Variants in SYT1 observed in about 807,000 individuals in gnomAD.
The protein encoded by SYT1 is synaptotagmin 1.
SYT1 carries 8 observed loss-of-function variants against 44.8 expected under a neutral mutation model. That is an observed-to-expected ratio of 0.18 (90% CI 0.10 to 0.32). The LOEUF is 0.32. Ranked by LOEUF, SYT1 falls within the 10% of genes least tolerant of loss-of-function variation. The pLI, the probability that SYT1 is intolerant of heterozygous loss-of-function variation, is 1.00. For missense variants in SYT1, 286 were observed against 509.3 expected, an observed-to-expected ratio of 0.56 and a Z score of 4.22; for synonymous variants, 154 against 188.8, an observed-to-expected ratio of 0.82 and a Z score of 1.51.
intron 1 of SYT1, among the ~76,000 whole-genome samples, chr12:78,918,754 T>A (rs1876812775): frequency 6.6e-6 from 1 of 152,028 alleles, no homozygotes. Flanking sequence ...AGAAAAAGGA[T>A]ACGTCCTGAA....
intron 3 of SYT1, among the ~76,000 whole-genome samples, chr12:79,179,335 T>TATAG (rs2138396685): frequency 1.2e-5 from 1 of 85,510 alleles, no homozygotes; most frequent in South Asian, 3.2e-4. Flanking sequence ...TAGATATAGA[T>TATAG]ATATCGATAT....
At chr12:78,934,117 CAT>C (rs1213134149) in intron 1 of SYT1, among the ~76,000 whole-genome samples, 5 of 151,366 alleles carry the variant, frequency 3.3e-5, no homozygotes, top group African/African-American at 9.7e-5. Context: ...TGTGTATATA[CAT>C]ATGTGTGTGT....
chr12:78,898,853 G>A (rs943007098), intron 1 of SYT1, among the ~76,000 whole-genome samples: 1 of 152,078 alleles, frequency 6.6e-6, no homozygotes, highest in African/African-American at 2.4e-5. Flanking sequence ...TAACATGCGT[G>A]CATTTGAAAT....
intron 3 of SYT1, among the ~76,000 whole-genome samples, chr12:79,120,819 A>G (rs1330894023): frequency 1.3e-5 from 2 of 152,058 alleles, no homozygotes; most frequent in African/African-American, 2.4e-5. Flanking sequence ...CTGAAAATCC[A>G]ATGCATGTAG....
At chr12:78,932,061 A>C (rs548860643) in intron 1 of SYT1, among the ~76,000 whole-genome samples, 2 of 152,346 alleles carry the variant, frequency 1.3e-5, no homozygotes, top group African/African-American at 4.8e-5. Context: ...CTCTGCCACA[A>C]GGTGTGTTTC....
At chr12:79,404,292 CTCT>C (rs1446458091) in intron 9 of SYT1, among the ~76,000 whole-genome samples, 2 of 152,128 alleles carry the variant, frequency 1.3e-5, no homozygotes, top group Non-Finnish European at 2.9e-5. Context: ...TCATTCTACC[CTCT>C]TCTTAAAAAT....
chr12:79,195,815 C>T (rs1472441695), intron 3 of SYT1, among the ~76,000 whole-genome samples: 1 of 152,134 alleles, frequency 6.6e-6, no homozygotes, highest in Non-Finnish European at 1.5e-5. Flanking sequence ...AAATTACCTG[C>T]TTTTCCTGTT....
intron 3 of SYT1, among the ~76,000 whole-genome samples, chr12:79,115,559 A>G (rs1238420551): frequency 6.6e-6 from 1 of 152,166 alleles, no homozygotes; most frequent in Non-Finnish European, 1.5e-5. Flanking sequence ...ACCTAGACAA[A>G]TTTTTAACCC....
At position 79,334,254 on chromosome 12, in the gene SYT1, T is replaced by TA. The variant is rs201737923; in HGVS notation, c.811-19237dup. On this transcript the variant is annotated intron_variant, in intron 8 of 10. Transcript: ENST00000261205. ...CTCTGTCCTATGCCTTTCCCACAGTTAAAAAAAAAAATCTCTCTTGTCTGT... is the reference window on the plus strand; with the variant it reads ...CTCTGTCCTATGCCTTTCCCACAGTTAAAAAAAAAAAATCTCTCTTGTCTGT... Among the ~76,000 whole-genome samples, 414 of 147,840 alleles carry TA rather than the reference T, an allele frequency of 2.8e-3. 2 individuals carry two copies. The highest frequency in any genetic ancestry group is 7.1e-3 in the African/African-American group (290 of 40,570).
chr12:79,250,510 A>G (rs1011316060), intron 4 of SYT1, among the ~76,000 whole-genome samples: 2 of 152,216 alleles, frequency 1.3e-5, no homozygotes, highest in Non-Finnish European at 2.9e-5. Flanking sequence ...ACTTTGGTAT[A>G]TCTCTGCAGT....
rs74925492 is a variant in SYT1 at position 79,035,279 on chromosome 12, C to G, written c.-83-12018C>G. 9.2e-4 allele frequency among the ~76,000 whole-genome samples: 139 copies of G among 151,782 alleles called. 1 individual carries two copies. The highest frequency in any genetic ancestry group is 3.2e-3 in the African/African-American group (132 of 41,464). ...CTTAGGCGTGTATAGAGAATTGCTA[C>G]CCCATTCTCTCTACCTCACTTCCCC... On this transcript the variant is annotated intron_variant, in intron 2 of 10. Coordinates refer to ENST00000261205, the MANE Select transcript of SYT1 (RefSeq NM_005639.3).
intron 9 of SYT1, among the ~76,000 whole-genome samples, chr12:79,395,634 G>A (rs915216901): frequency 1.3e-5 from 2 of 152,158 alleles, no homozygotes; most frequent in African/African-American, 4.8e-5. Context: ...CAAATCTCCT[G>A]CCTTGGCCTC....
chr12:78,937,550 T>C (rs997285882), intron 1 of SYT1, among the ~76,000 whole-genome samples: 2 of 152,108 alleles, frequency 1.3e-5, no homozygotes. Flanking sequence ...GGTTGTTATA[T>C]TACAAAGATA....
At chr12:78,899,848 T>C (rs924974000) in intron 1 of SYT1, among the ~76,000 whole-genome samples, 16 of 152,092 alleles carry the variant, frequency 1.1e-4, no homozygotes, top group Admixed American at 1.0e-3. Flanking sequence ...GATTATTTTA[T>C]AGGTAACACA....
chr12:79,349,031 GAA>G (rs1169408777), intron 8 of SYT1, among the ~76,000 whole-genome samples: 1,822 of 83,484 alleles, frequency 0.022, 22 homozygotes, highest in Middle Eastern at 0.071. Flanking sequence ...AAGAAAGAAA[GAA>G]AAAGAAAGAA....
intron 4 of SYT1, among the ~76,000 whole-genome samples, chr12:79,272,353 A>G (rs1003918045): frequency 1.3e-5 from 2 of 152,244 alleles, no homozygotes; most frequent in Non-Finnish European, 2.9e-5. Context: ...GGTAAAATGG[A>G]CAGAGGAGAT....
At chr12:79,236,684 C>A (rs1246553638) in intron 4 of SYT1, among the ~76,000 whole-genome samples, 1 of 152,082 alleles carries the variant, frequency 6.6e-6, no homozygotes, top group Admixed American at 6.6e-5. Context: ...ATGTTATATG[C>A]CCTACAAGGA....
intron 8 of SYT1, among the ~76,000 whole-genome samples, chr12:79,323,948 C>CTTTTTTTTT (rs56962075): frequency 8.9e-5 from 10 of 112,630 alleles, no homozygotes; most frequent in African/African-American, 2.7e-4. Flanking sequence ...TTTCTATTTT[C>CTTTTTTTTT]TTTTTTTTTT....
At chr12:79,304,303 T>A (rs1353080845) in intron 8 of SYT1, among the ~76,000 whole-genome samples, 1 of 152,212 alleles carries the variant, frequency 6.6e-6, no homozygotes, top group Non-Finnish European at 1.5e-5. Flanking sequence ...TCCGTGTTAA[T>A]AGTCATTGTG....
Sources: allele counts gnomAD v4.1 joint callset (sites outside exome capture counted in the v4.1 genomes callset), GRCh38; gene constraint gnomAD v4.1.1; transcripts MANE v1.5; gene names NCBI Gene and HGNC (gene_info 2026-07-23, HGNC 2026-07-21).